The following RSU1 variants were observed in gnomAD, a reference collection of about 807,000 sequenced individuals.
RSU1 encodes rsu-1.
A neutral mutation model predicts 31.1 loss-of-function variants in RSU1; 26 were observed. The ratio of observed to expected loss-of-function variants is 0.84; its 90% CI spans 0.61 to 1.16. The LOEUF (loss-of-function observed/expected upper bound fraction) is 1.16. RSU1 is among the 50% of genes most tolerant of loss of function. The pLI, the probability that RSU1 is intolerant of heterozygous loss-of-function variation, is 0.00. For missense variants in RSU1, 320 were observed against 339.1 expected (o/e 0.94, Z 0.44); for synonymous variants, 164 against 136.3 (o/e 1.20, Z -1.41).
chr10:16,627,391 T>C (rs944445593), intron 8 of RSU1, among the ~76,000 whole-genome samples: 13 of 152,340 alleles, frequency 8.5e-5, no homozygotes, highest in African/African-American at 2.9e-4. Context: ...TGTAGTGGCA[T>C]GACAAAAATG....
intron 3 of RSU1, among the ~76,000 whole-genome samples, chr10:16,779,496 A>C (rs184517770): frequency 6.6e-6 from 1 of 152,276 alleles, no homozygotes; most frequent in East Asian, 1.9e-4. Flanking sequence ...TCCCCAAATC[A>C]ATGTCCCAGT....
chr10:16,769,021 C>T (rs1027002767), intron 3 of RSU1, among the ~76,000 whole-genome samples: 3 of 152,188 alleles, frequency 2.0e-5, no homozygotes, highest in African/African-American at 4.8e-5. Context: ...ATGTGCCAGC[C>T]GGTACTGCAC....
At chr10:16,742,609 T>TA (rs1836775564) in intron 7 of RSU1, among the ~76,000 whole-genome samples, 1 of 150,970 alleles carries the variant, frequency 6.6e-6, no homozygotes, top group African/African-American at 2.4e-5. Context: ...CCTCTGGAAT[T>TA]TAAAAAAAAA....
At chr10:16,808,796 G>C (rs1797089) in intron 2 of RSU1, among the ~76,000 whole-genome samples, 18,945 of 152,180 alleles carry the variant, frequency 0.12, 1,602 homozygotes, top group East Asian at 0.31. Flanking sequence ...CCTTTAAAGA[G>C]GCGATCAGGT....
intron 7 of RSU1, among the ~76,000 whole-genome samples, chr10:16,696,320 G>A (rs1416125520): frequency 6.6e-6 from 1 of 152,180 alleles, no homozygotes; most frequent in Admixed American, 6.5e-5. Flanking sequence ...ATCCTGGGAC[G>A]CAAGTACAAA....
chr10:16,625,399 A>T (rs959943139), intron 8 of RSU1, among the ~76,000 whole-genome samples: 1 of 152,198 alleles, frequency 6.6e-6, no homozygotes, highest in Admixed American at 6.5e-5. Context: ...ACTAGAAAAG[A>T]TCTCAACAGA....
At chr10:16,638,861 T>A (rs1417946013) in intron 8 of RSU1, among the ~76,000 whole-genome samples, 1 of 152,232 alleles carries the variant, frequency 6.6e-6, no homozygotes, top group East Asian at 1.9e-4. Flanking sequence ...GGATGTAGAC[T>A]TCAGTGGATA....
At chr10:16,679,879 T>TG (rs1835297334) in intron 8 of RSU1, among the ~76,000 whole-genome samples, 1 of 139,654 alleles carries the variant, frequency 7.2e-6, no homozygotes. Context: ...GTTTTTTTTT[T>TG]TTTTTTTTTT....
At chr10:16,689,728 T>C (rs140807578) in intron 8 of RSU1, among the ~76,000 whole-genome samples, 3 of 152,254 alleles carry the variant, frequency 2.0e-5, no homozygotes, top group East Asian at 1.9e-4. Flanking sequence ...ATATGAATAA[T>C]AGTATGGCTG....
At chr10:16,693,871 T>G (rs1435919413) in intron 8 of RSU1, among the ~76,000 whole-genome samples, 1 of 151,912 alleles carries the variant, frequency 6.6e-6, no homozygotes, top group African/African-American at 2.4e-5. Context: ...TTAAAAAAAA[T>G]TAATTAATTA....
Position 16,708,753 on chromosome 10 carries a change from C to G in RSU1, c.599-13598G>C, listed in dbSNP as rs371312055. Among the ~76,000 whole-genome samples, 6 of 151,318 alleles carry G rather than the reference C, an allele frequency of 4.0e-5. No individual in the cohort carries two copies. The East Asian group carries it at 9.7e-4, about 24-fold the overall frequency. ...CATTTATTTGTGTCCTCTTCAATTT[C>G]TTTTGTTAAAGTTTTAGAGTTTCAA... On this transcript the variant is annotated intron_variant, in intron 7 of 8. Transcript: ENST00000345264.
rs891145421 is a variant in RSU1 at position 16,590,996 on chromosome 10, C to G, written c.*2398G>C. 6.6e-6 allele frequency: 1 copy of G among 152,208 alleles called. No individual in the cohort carries two copies. The highest frequency in any genetic ancestry group is 1.5e-5 in the Non-Finnish European group (1 of 68,056). The allele number at this position is 152,208 out of a possible 1,614,324, so 9.4% of individuals were successfully genotyped here. On this transcript the variant is annotated 3_prime_UTR_variant, in exon 9 of 9. Coordinates refer to ENST00000345264, the MANE Select transcript of RSU1 (RefSeq NM_012425.4). Reference sequence around the variant, plus strand: ...GCTTAATCTCAGCTCAGTGCAACCTCTGCCTCCCGGGTTCAATCAATTCTC... The same window carrying G: ...GCTTAATCTCAGCTCAGTGCAACCTGTGCCTCCCGGGTTCAATCAATTCTC...
intron 2 of RSU1, among the ~76,000 whole-genome samples, chr10:16,804,011 G>GA (rs1435526166): frequency 6.6e-6 from 1 of 152,060 alleles, no homozygotes; most frequent in African/African-American, 2.4e-5. Flanking sequence ...TCTGCTGTGT[G>GA]AAAAATATCA....
intron 8 of RSU1, among the ~76,000 whole-genome samples, chr10:16,668,955 A>G (rs1469402243): frequency 6.6e-6 from 1 of 151,656 alleles, no homozygotes; most frequent in Non-Finnish European, 1.5e-5. Flanking sequence ...ATAATCTTAT[A>G]TATAGTTATG....
intron 8 of RSU1, among the ~76,000 whole-genome samples, chr10:16,670,426 C>A (rs1835085115): frequency 6.6e-6 from 1 of 152,162 alleles, no homozygotes; most frequent in Non-Finnish European, 1.5e-5. Flanking sequence ...AACTGAGAAC[C>A]TACCTCTTCA....
At chr10:16,671,204 G>C (rs886283474) in intron 8 of RSU1, among the ~76,000 whole-genome samples, 14 of 152,088 alleles carry the variant, frequency 9.2e-5, no homozygotes. Context: ...ATCAATGGTG[G>C]GCTGGATTAA....
chr10:16,685,022 C>T (rs1221575918), intron 8 of RSU1, among the ~76,000 whole-genome samples: 2 of 152,054 alleles, frequency 1.3e-5, no homozygotes, highest in Admixed American at 6.5e-5. Context: ...CTGAGGTGAG[C>T]GGATCACCTG....
At chr10:16,595,217 A>G (rs1833591675) in intron 8 of RSU1, among the ~76,000 whole-genome samples, 1 of 152,200 alleles carries the variant, frequency 6.6e-6, no homozygotes. Flanking sequence ...CCTGGCGTCC[A>G]ATACTAGTGT....
intron 7 of RSU1, among the ~76,000 whole-genome samples, chr10:16,739,210 C>A (rs190674584): frequency 3.3e-5 from 5 of 152,054 alleles, no homozygotes; most frequent in African/African-American, 9.7e-5. Context: ...GAATTATAAT[C>A]CTTTGGGTAT....
Sources: allele counts gnomAD v4.1 joint callset (sites outside exome capture counted in the v4.1 genomes callset), GRCh38; gene constraint gnomAD v4.1.1; transcripts MANE v1.5; gene names NCBI Gene and HGNC (gene_info 2026-07-23, HGNC 2026-07-21).